Variants in EPHB1 observed in about 807,000 individuals in gnomAD.
The protein encoded by EPHB1 is ephrin type-B receptor 1.
EPHB1 carries 30 observed loss-of-function variants against 94.4 expected under a neutral mutation model. The observed-to-expected ratio is 0.32, with a 90% confidence interval of 0.24 to 0.43. The LOEUF (loss-of-function observed/expected upper bound fraction) is 0.43. EPHB1 is among the 20% of genes least tolerant of loss of function. The pLI is 1.00. For synonymous variants in EPHB1, 522 were observed against 489.1 expected (o/e 1.07, Z -0.89); for missense variants, 1,055 against 1,308.3 (o/e 0.81, Z 2.99).
At chr3:134,824,040 T>C (rs1033593678) in intron 1 of EPHB1, among the ~76,000 whole-genome samples, 2 of 151,982 alleles carry the variant, frequency 1.3e-5, no homozygotes, top group Admixed American at 6.6e-5. Flanking sequence ...GAACCATGAA[T>C]GCTTCAGCTT....
chr3:135,130,268 T>C (rs1173268316), intron 4 of EPHB1, among the ~76,000 whole-genome samples: 2 of 152,166 alleles, frequency 1.3e-5, no homozygotes, highest in African/African-American at 4.8e-5. Flanking sequence ...TAATGGTCCA[T>C]GTGTTAGGTG....
intron 1 of EPHB1, among the ~76,000 whole-genome samples, chr3:134,907,906 T>A (rs2038369521): frequency 6.6e-6 from 1 of 152,166 alleles, no homozygotes; most frequent in African/African-American, 2.4e-5. Context: ...TGGCCTCCCC[T>A]CTCCGGGCCT....
chr3:135,144,483 G>C (rs530652727), intron 5 of EPHB1, among the ~76,000 whole-genome samples: 1 of 152,276 alleles, frequency 6.6e-6, no homozygotes, highest in East Asian at 1.9e-4. Context: ...CCCAGGTGAG[G>C]CTGATATGGG....
At chr3:135,127,482 C>T (rs1311950390) in intron 4 of EPHB1, among the ~76,000 whole-genome samples, 2 of 152,106 alleles carry the variant, frequency 1.3e-5, no homozygotes, top group Non-Finnish European at 2.9e-5. Context: ...GGACACAGAC[C>T]CTGGCTTCAG....
intron 3 of EPHB1, among the ~76,000 whole-genome samples, chr3:134,989,040 T>C (rs1001044448): frequency 6.6e-6 from 1 of 152,166 alleles, no homozygotes; most frequent in Non-Finnish European, 1.5e-5. Flanking sequence ...TCATGCTCTA[T>C]TTTTAAGGGA....
chr3:134,887,971 G>A (rs994635118), intron 1 of EPHB1, among the ~76,000 whole-genome samples: 2 of 152,222 alleles, frequency 1.3e-5, no homozygotes, highest in African/African-American at 2.4e-5. Context: ...GCTTTTGCAA[G>A]TTTAGCATTT....
At chr3:135,141,022 G>A (rs1343673611) in intron 5 of EPHB1, among the ~76,000 whole-genome samples, 9 of 152,226 alleles carry the variant, frequency 5.9e-5, no homozygotes, top group Non-Finnish European at 1.2e-4. Context: ...TCAGTGCAAG[G>A]TAAACTCTTT....
At chr3:135,078,870 C>T (rs115124022) in intron 3 of EPHB1, among the ~76,000 whole-genome samples, 2 of 152,322 alleles carry the variant, frequency 1.3e-5, no homozygotes, top group African/African-American at 4.8e-5. Flanking sequence ...GAGAACTTTG[C>T]GTAGAACTTG....
chr3:134,860,189 A>ACACACACACACACACG (rs1234534102), intron 1 of EPHB1, among the ~76,000 whole-genome samples: 2 of 151,698 alleles, frequency 1.3e-5, no homozygotes, highest in Non-Finnish European at 2.9e-5. Flanking sequence ...ACACACACAC[A>ACACACACACACACACG]CACACACTCT....
At chr3:134,994,500 G>A (rs969539130) in intron 3 of EPHB1, among the ~76,000 whole-genome samples, 1 of 152,138 alleles carries the variant, frequency 6.6e-6, no homozygotes, top group Non-Finnish European at 1.5e-5. Context: ...CCTCTTCCAC[G>A]AAGGACCCTG....
At chr3:135,164,799 A>G (rs577617535) in intron 7 of EPHB1, among the ~76,000 whole-genome samples, 1 of 121,874 alleles carries the variant, frequency 8.2e-6, no homozygotes, top group Admixed American at 8.6e-5. Flanking sequence ...ACAGAGCAAG[A>G]CTGTCTCAAA....
intron 9 of EPHB1, among the ~76,000 whole-genome samples, chr3:135,175,024 G>T (rs1941935546): frequency 6.6e-6 from 1 of 152,166 alleles, no homozygotes; most frequent in South Asian, 2.1e-4. Flanking sequence ...GATGTCCACG[G>T]TATTGATTTT....
At chr3:135,127,839 G>A (rs944082334) in intron 4 of EPHB1, among the ~76,000 whole-genome samples, 1 of 152,150 alleles carries the variant, frequency 6.6e-6, no homozygotes, top group African/African-American at 2.4e-5. Context: ...TTTAACTCCA[G>A]TGACAACCGT....
At chr3:135,150,971 A>C (rs1941173509) in intron 5 of EPHB1, among the ~76,000 whole-genome samples, 2 of 152,200 alleles carry the variant, frequency 1.3e-5, no homozygotes, top group South Asian at 4.1e-4. Flanking sequence ...CCAGATGTTT[A>C]GGCCAAAACC....
At chr3:135,183,972 G>A (rs568231292) in intron 10 of EPHB1, among the ~76,000 whole-genome samples, 24 of 152,190 alleles carry the variant, frequency 1.6e-4, no homozygotes, top group Non-Finnish European at 3.2e-4. Flanking sequence ...AGAGGGGGAT[G>A]GGAAACAATC....
At chr3:135,176,994 A>T (rs2107703682) in intron 9 of EPHB1, among the ~76,000 whole-genome samples, 1 of 151,956 alleles carries the variant, frequency 6.6e-6, no homozygotes, top group African/African-American at 2.4e-5. Flanking sequence ...TCCTCTTCCT[A>T]CCTCCCCAAA....
Position 135,132,862 on chromosome 3 carries a change from C to T in EPHB1, c.1110C>T (p.Cys370=). The change falls in exon 5 of 16, where the codon TGC becomes TGT. Residue 370 remains cysteine, a synonymous_variant. Coordinates refer to ENST00000398015, the MANE Select transcript of EPHB1 (RefSeq NM_004441.5). ...AGTGCCGGGCAGACCGCCGGAGCTG[C>T]TCCCGCTGTGACGACAATGTGGAGT... ...CKKCRADRRS[C]SRCDDNVEFV... is the part of the protein sequence containing the mutation. 6.2e-7 allele frequency: 1 copy of T among 1,614,062 alleles called. No individual in the cohort carries two copies.
At chr3:135,172,113 T>C (rs1941821047) in intron 9 of EPHB1, among the ~76,000 whole-genome samples, 1 of 152,178 alleles carries the variant, frequency 6.6e-6, no homozygotes, top group South Asian at 2.1e-4. Context: ...AAGGACATTG[T>C]CTGCAAAGTA....
chr3:134,808,021 G>A (rs1229726675), intron 1 of EPHB1, among the ~76,000 whole-genome samples: 1 of 152,160 alleles, frequency 6.6e-6, no homozygotes, highest in Non-Finnish European at 1.5e-5. Flanking sequence ...AAGGCAGAGG[G>A]CATGAAAGTC....
Sources: allele counts gnomAD v4.1 joint callset (sites outside exome capture counted in the v4.1 genomes callset), GRCh38; gene constraint gnomAD v4.1.1; transcripts MANE v1.5; gene names NCBI Gene and HGNC (gene_info 2026-07-23, HGNC 2026-07-21).